Variants in CNTN1 observed in about 807,000 individuals in gnomAD.
CNTN1 encodes the protein contactin 1.
In CNTN1, 38 loss-of-function variants were observed where a neutral mutation model predicts 126.4. The observed-to-expected ratio is 0.30, with a 90% CI of 0.23 to 0.39. The LOEUF (loss-of-function observed/expected upper bound fraction) is 0.39. Ranked by LOEUF, CNTN1 falls within the 10% of genes least tolerant of loss-of-function variation. CNTN1 has a pLI of 1.00. For synonymous variants in CNTN1, 413 were observed against 422.6 expected, an observed-to-expected ratio of 0.98 and a Z score of 0.28; for missense variants, 1,009 against 1,248.4, an observed-to-expected ratio of 0.81 and a Z score of 2.89.
Position 40,725,526 on chromosome 12 carries a change from T to C in CNTN1, c.-77+32934T>C, listed in dbSNP as rs545610496. On this transcript the variant is annotated intron_variant, in intron 1 of 23. Coordinates refer to ENST00000551295, the MANE Select transcript of CNTN1 (RefSeq NM_001843.4). ...TTTCCCAGCCCAGCCTCTAGCCAGTTTTACAATCCAGGAATGTCTTTCTCA... is the reference window on the plus strand; with the variant it reads ...TTTCCCAGCCCAGCCTCTAGCCAGTCTTACAATCCAGGAATGTCTTTCTCA... 1.1e-3 allele frequency among the ~76,000 whole-genome samples: 162 copies of C among 152,258 alleles called. 1 individual carries two copies. In the Middle Eastern group the frequency reaches 0.017, roughly 16 times the overall value.
At position 40,999,803 on chromosome 12, in the gene CNTN1, C is replaced by T. The variant is rs577386802; in HGVS notation, c.2113+6534C>T. 5.3e-3 allele frequency among the ~76,000 whole-genome samples: 792 copies of T among 150,094 alleles called. 3 individuals are homozygous for T. Among genetic ancestry groups the T allele is most frequent in the Non-Finnish European group, 8.5e-3 (573 of 67,668 alleles). ...CAGCAAGCTCTGCCTCCCAGGTTCA[C>T]GCCATTCTCCTGCCTCAGCCTTCCA... On this transcript the variant is annotated intron_variant, in intron 17 of 23. Coordinates refer to ENST00000551295, the MANE Select transcript of CNTN1 (RefSeq NM_001843.4).
intron 1 of CNTN1, among the ~76,000 whole-genome samples, chr12:40,806,180 T>C (rs950748513): frequency 6.6e-6 from 1 of 152,106 alleles, no homozygotes; most frequent in Non-Finnish European, 1.5e-5. Flanking sequence ...GTGTCTATGC[T>C]TCAAGAGTGC....
rs77307835 is a variant in CNTN1 at position 41,039,742 on chromosome 12, A to C, written c.2980+10523A>C. ...GGATGGAGATGGAGGAAACAGAGATAGCAGATGTTTCTTGGTGTTGCCCAA... is the reference window on the plus strand; with the variant it reads ...GGATGGAGATGGAGGAAACAGAGATCGCAGATGTTTCTTGGTGTTGCCCAA... On this transcript the variant is annotated intron_variant, in intron 23 of 23. Coordinates refer to ENST00000551295, the MANE Select transcript of CNTN1 (RefSeq NM_001843.4). Among the ~76,000 whole-genome samples, 93 of 152,278 alleles carry C rather than the reference A, an allele frequency of 6.1e-4. 1 individual carries two copies. The East Asian group carries it at 0.015, about 24-fold the overall frequency.
chr12:40,706,346 G>C (rs1290443859), intron 1 of CNTN1, among the ~76,000 whole-genome samples: 1 of 140,734 alleles, frequency 7.1e-6, no homozygotes, highest in Non-Finnish European at 1.5e-5. Context: ...CATTTCTCAA[G>C]GTTCCTCCAT....
intron 15 of CNTN1, among the ~76,000 whole-genome samples, chr12:40,963,871 G>A (rs1223006642): frequency 6.6e-6 from 1 of 152,094 alleles, no homozygotes; most frequent in Non-Finnish European, 1.5e-5. Flanking sequence ...TCAGCTAAAA[G>A]AGTGTCATTT....
At chr12:40,777,248 T>C (rs1939624981) in intron 1 of CNTN1, among the ~76,000 whole-genome samples, 1 of 151,614 alleles carries the variant, frequency 6.6e-6, no homozygotes, top group Non-Finnish European at 1.5e-5. Flanking sequence ...TGTTTTTTTT[T>C]TTTAATTCTC....
intron 1 of CNTN1, among the ~76,000 whole-genome samples, chr12:40,696,047 G>A (rs554724638): frequency 6.6e-5 from 10 of 152,310 alleles, no homozygotes; most frequent in African/African-American, 1.9e-4. Context: ...TAGCACTTAC[G>A]TGAGAGGATT....
rs370984371 is a variant in CNTN1 at position 40,707,227 on chromosome 12, CTTTTTTTTTTTTTTTTTTTTTTTTTT to C, written c.-77+14649_-77+14674del. On this transcript the variant is annotated intron_variant, in intron 1 of 23. Transcript: ENST00000551295. ...TTCCTCTTTCATTTCTTTTCTTTTTCTTTTTTTTTTTTTTTTTTTTTTTTTTTTTTTTTTTTTTTGAGACGGAGTCT... is the reference window on the plus strand; with the variant it reads ...TTCCTCTTTCATTTCTTTTCTTTTTCTTTTTTTTTTTTTGAGACGGAGTCT... Among the ~76,000 whole-genome samples, 32 of 109,182 alleles carry C rather than the reference CTTTTTTTTTTTTTTTTTTTTTTTTTT, an allele frequency of 2.9e-4. 1 individual carries two copies. Among genetic ancestry groups the C allele is most frequent in the East Asian group, 1.6e-3 (6 of 3,768 alleles). 71.6% of individuals were successfully genotyped at this position (109,182 alleles called of 152,430 possible).
chr12:40,903,812 A>G (rs908946509), intron 1 of CNTN1, among the ~76,000 whole-genome samples: 1 of 152,198 alleles, frequency 6.6e-6, no homozygotes, highest in African/African-American at 2.4e-5. Flanking sequence ...CAAAATAATG[A>G]AAATAACTTT....
intron 1 of CNTN1, among the ~76,000 whole-genome samples, chr12:40,873,727 A>G (rs11178858): frequency 0.48 from 72,255 of 151,954 alleles, 17,947 homozygotes; most frequent in African/African-American, 0.63. Flanking sequence ...CCATATCTGT[A>G]AAAACCCAAA....
At chr12:41,066,382 T>C in intron 23 of CNTN1, among the ~76,000 whole-genome samples, 1 of 152,144 alleles carries the variant, frequency 6.6e-6, no homozygotes, top group East Asian at 1.9e-4. Context: ...ACCATCTTCT[T>C]CCTTAGACCC....
rs369450437 is a variant in CNTN1 at position 40,964,525 on chromosome 12, AGTGTGTGT to A, written c.1804+5319_1804+5326del. Among the ~76,000 whole-genome samples the A allele has an allele frequency of 4.1e-4, 43 of 104,820 alleles. 1 individual carries two copies. The highest frequency in any genetic ancestry group is 1.8e-3 in the Admixed American group (16 of 8,806). The allele number at this position is 104,820 out of a possible 152,430, so 68.8% of individuals were successfully genotyped here. The stretch of plus-strand genomic sequence containing the variant: ...TTTAGGTGAAAACACCGTGTAAGTG[AGTGTGTGT>A]GTGTGTGTGTGTGTGTGTGTGTGTG... On this transcript the variant is annotated intron_variant, in intron 15 of 23. Coordinates refer to ENST00000551295, the MANE Select transcript of CNTN1 (RefSeq NM_001843.4).
chr12:40,945,519 T>A (rs550187843), intron 14 of CNTN1, among the ~76,000 whole-genome samples: 2 of 151,972 alleles, frequency 1.3e-5, no homozygotes, highest in African/African-American at 4.8e-5. Flanking sequence ...GTTTATAAAG[T>A]AGTAACTAAT....
chr12:41,021,139 G>A (rs1191063786), intron 20 of CNTN1, among the ~76,000 whole-genome samples: 2 of 152,168 alleles, frequency 1.3e-5, no homozygotes, highest in African/African-American at 4.8e-5. Context: ...AAATTCAAAG[G>A]AATTAACATG....
At chr12:40,994,031 A>G (rs11837872) in intron 17 of CNTN1, among the ~76,000 whole-genome samples, 306 of 152,248 alleles carry the variant, frequency 2.0e-3, no homozygotes, top group African/African-American at 7.0e-3. Context: ...TTTTGTTATT[A>G]TTATTCTTAA....
chr12:40,830,289 C>T (rs956120867), intron 1 of CNTN1, among the ~76,000 whole-genome samples: 1 of 151,782 alleles, frequency 6.6e-6, no homozygotes, highest in Non-Finnish European at 1.5e-5. Context: ...GAGGAACCAA[C>T]AAAAAATTGA....
At chr12:40,694,029 T>G (rs1316070386) in intron 1 of CNTN1, among the ~76,000 whole-genome samples, 1 of 152,220 alleles carries the variant, frequency 6.6e-6, no homozygotes, top group African/African-American at 2.4e-5. Context: ...CATATGAACC[T>G]TACCAGCCCG....
At chr12:40,945,710 C>A (rs1354132577) in intron 14 of CNTN1, among the ~76,000 whole-genome samples, 1 of 150,162 alleles carries the variant, frequency 6.7e-6, no homozygotes, top group Non-Finnish European at 1.5e-5. Flanking sequence ...AAAAATAGAT[C>A]CCAGTCCCCT....
intron 1 of CNTN1, among the ~76,000 whole-genome samples, chr12:40,696,406 T>A (rs1941453855): frequency 6.6e-6 from 1 of 152,252 alleles, no homozygotes; most frequent in Non-Finnish European, 1.5e-5. Context: ...CAGCACTAGT[T>A]TCTTCTGGCA....
Sources: gnomAD v4.1 joint callset for allele counts (sites outside exome capture counted in the v4.1 genomes callset) on GRCh38, gnomAD v4.1.1 for gene constraint, MANE v1.5 for transcripts, NCBI Gene and HGNC (gene_info 2026-07-23, HGNC 2026-07-21) for gene names.